SFI1: variants seen among roughly 807,000 people sequenced by gnomAD.
The protein encoded by SFI1 is protein SFI1 homolog.
In SFI1, 195 loss-of-function variants were observed where a neutral mutation model predicts 207.5. The ratio of observed to expected loss-of-function variants is 0.94; its 90% CI spans 0.84 to 1.06. The LOEUF (loss-of-function observed/expected upper bound fraction) is 1.06, where lower values mean the gene tolerates loss of function less well. SFI1 is among the 50% of genes least tolerant of loss of function. The pLI, the probability that SFI1 is intolerant of heterozygous loss-of-function variation, is 0.00. For missense variants in SFI1, 1,634 were observed against 1,588.0 expected, an observed-to-expected ratio of 1.03 and a Z score of -0.49; for synonymous variants, 630 against 598.9, an observed-to-expected ratio of 1.05 and a Z score of -0.76.
intron 4 of SFI1, among the ~76,000 whole-genome samples, chr22:31,543,019 T>C (rs1285616485): frequency 1.3e-5 from 2 of 149,626 alleles, no homozygotes; most frequent in Non-Finnish European, 3.0e-5. Context: ...TCTCCCAGGC[T>C]GGAGTGCAGT....
chr22:31,515,787 G>A (rs2056411467), intron 2 of SFI1, among the ~76,000 whole-genome samples: 1 of 150,038 alleles, frequency 6.7e-6, no homozygotes, highest in Non-Finnish European at 1.5e-5. Flanking sequence ...GCCCAGGCTG[G>A]AGTGCAGTGG....
chr22:31,538,723 C>G (rs2059220251), intron 4 of SFI1: 1 of 152,260 alleles, frequency 6.6e-6, no homozygotes, highest in Admixed American at 6.5e-5. Context: ...CTCCCAGGTT[C>G]TAGTTACCAT....
intron 15 of SFI1, among the ~76,000 whole-genome samples, chr22:31,593,992 G>GCC (rs1569421712): frequency 1.4e-5 from 1 of 72,502 alleles, no homozygotes; most frequent in African/African-American, 4.6e-5. Flanking sequence ...GGAGACGAGG[G>GCC]AGAGGGAGAG....
intron 17 of SFI1, 37 bp downstream of exon 17, chr22:31,602,822 A>G (rs62237819): frequency 1.3e-6 from 2 of 1,599,704 alleles, no homozygotes; most frequent in Non-Finnish European, 1.7e-6. Flanking sequence ...CCTTTCCATC[A>G]CAGGCCAGCT....
At chr22:31,499,791 C>A (rs2053401071) in intron 1 of SFI1, among the ~76,000 whole-genome samples, 1 of 151,558 alleles carries the variant, frequency 6.6e-6, no homozygotes, top group Non-Finnish European at 1.5e-5. Context: ...GAGTTCGAGA[C>A]CAGTCTGGCC....
At chr22:31,589,314 TAATA>T (rs1168210927) in intron 14 of SFI1, 129 bp from the exon 15 acceptor site, 3 of 969,140 alleles carry the variant, frequency 3.1e-6, no homozygotes, top group South Asian at 2.3e-5. Context: ...TTGGCAAAGA[TAATA>T]AATAATGATT....
At chr22:31,502,039 A>T (rs946057695) in intron 1 of SFI1, among the ~76,000 whole-genome samples, 7 of 152,058 alleles carry the variant, frequency 4.6e-5, no homozygotes, top group African/African-American at 1.7e-4. Flanking sequence ...GCCAGGATAC[A>T]CTCTAGCCAA....
intron 4 of SFI1, 62 bp downstream of exon 4, chr22:31,531,191 A>G: frequency 7.4e-7 from 1 of 1,357,726 alleles, no homozygotes; most frequent in East Asian, 2.3e-5. Flanking sequence ...CTTTTATATT[A>G]AGCCTGTATA....
intron 20 of SFI1, chr22:31,605,505 G>C (rs1257547741): frequency 6.6e-6 from 1 of 152,614 alleles, no homozygotes; most frequent in Admixed American, 6.5e-5. Flanking sequence ...TCCTTCCTTT[G>C]TATTTGTTCA....
intron 4 of SFI1, among the ~76,000 whole-genome samples, chr22:31,534,596 T>G (rs2058801675): frequency 6.6e-6 from 1 of 152,178 alleles, no homozygotes; most frequent in Non-Finnish European, 1.5e-5. Context: ...TATGAAAGTC[T>G]GGGCTGCTGG....
intron 14 of SFI1, among the ~76,000 whole-genome samples, chr22:31,589,211 CGTGTGTGTGTGTGT>C (rs10597618): frequency 1.7e-3 from 261 of 149,850 alleles, no homozygotes; most frequent in Admixed American, 2.8e-3. Context: ...TATGTGTGTG[CGTGTGTGTGTGTGT>C]GTGTGTGTGT....
chr22:31,561,407 C>T lies in SFI1; in HGVS notation c.765+15C>T, dbSNP rs372229254. On this transcript the variant is annotated intron_variant, in intron 8 of 32. Coordinates refer to ENST00000400288, the MANE Select transcript of SFI1 (RefSeq NM_001007467.3). Reference sequence around the variant, plus strand: ...TCCAGGTGCAGGTGAGTCCAGCAGACGTGGGATTTGGCATCCTCTGTCAGT... The same window carrying T: ...TCCAGGTGCAGGTGAGTCCAGCAGATGTGGGATTTGGCATCCTCTGTCAGT... The T allele has an allele frequency of 2.2e-4, 351 of 1,607,046 alleles. No homozygotes were observed. Among genetic ancestry groups the T allele is most frequent in the Non-Finnish European group, 2.8e-4 (324 of 1,176,158 alleles).
intron 4 of SFI1, among the ~76,000 whole-genome samples, chr22:31,542,711 G>C (rs1477211384): frequency 6.6e-6 from 1 of 151,658 alleles, no homozygotes; most frequent in East Asian, 1.9e-4. Context: ...ATCCAGGCTG[G>C]AGTGCAGTGG....
rs1404764794 is a variant in SFI1 at position 31,607,936 on chromosome 22, G to T, written c.2158-1G>T. 6.2e-7 allele frequency: 1 copy of T among 1,613,800 alleles called. No individual in the cohort carries two copies. The highest frequency in any genetic ancestry group is 1.7e-5 in the Admixed American group (1 of 60,004). ...TTGCTGTGCTCCTTGCCTGCCCATA[G>T]GTCCTGGTCCAGTGGCGGGAAGCTG... is the stretch of plus-strand genomic sequence containing the variant. On this transcript the variant is annotated splice_acceptor_variant, in intron 21 of 32. Transcript: ENST00000400288. LOFTEE classifies it high-confidence loss of function.
Position 31,611,280 on chromosome 22 carries a change from C to G in SFI1, c.2392C>G (p.His798Asp). Reference protein sequence around the residue: ...LEGLARWKTHHLQCVRKRLLH... With the variant: ...LEGLARWKTHDLQCVRKRLLH... ...GGGGCTGGCCCGGTGGAAGACGCAC[C>G]ATCTGCAGTGTGTCAGGAAGAGGGT... The change falls in exon 23 of 33, where the codon CAT becomes GAT. Residue 798 changes from histidine (H) to aspartate (D), a missense_variant. Physicochemically the swap from His to Asp is moderately conservative, Grantham distance 81. Transcript: ENST00000400288. 1 of 1,609,310 alleles carries G rather than the reference C, an allele frequency of 6.2e-7. No individual in the cohort carries two copies. Among genetic ancestry groups the G allele is most frequent in the Non-Finnish European group, 8.5e-7 (1 of 1,177,372 alleles).
At chr22:31,574,758 TA>T (rs942396208) in intron 9 of SFI1, among the ~76,000 whole-genome samples, 1 of 152,026 alleles carries the variant, frequency 6.6e-6, no homozygotes, top group African/African-American at 2.4e-5. Flanking sequence ...TTTCAAGGTT[TA>T]AAAAACTTGT....
chr22:31,606,498 TGTA>T (rs1603337511), intron 21 of SFI1, 68 bp downstream of exon 21: 1 of 1,305,756 alleles, frequency 7.7e-7, no homozygotes, highest in East Asian at 2.4e-5. Flanking sequence ...GGGCGTGGGA[TGTA>T]GGGGGTGGTG....
intron 1 of SFI1, among the ~76,000 whole-genome samples, chr22:31,499,435 G>T (rs897069544): frequency 6.6e-6 from 1 of 152,104 alleles, no homozygotes; most frequent in South Asian, 2.1e-4. Flanking sequence ...GCCTCCCAAA[G>T]TGCTGGGATT....
intron 2 of SFI1, 27 bp from the exon 3 acceptor site, chr22:31,528,663 C>G (rs2058171501): frequency 1.2e-6 from 2 of 1,604,936 alleles, no homozygotes; most frequent in Non-Finnish European, 1.7e-6. Flanking sequence ...TTATTCTCTC[C>G]TTGCCTCTTT....
Sources: gnomAD v4.1 joint callset for allele counts (sites outside exome capture counted in the v4.1 genomes callset) on GRCh38, gnomAD v4.1.1 for gene constraint, MANE v1.5 for transcripts, NCBI Gene and HGNC (gene_info 2026-07-23, HGNC 2026-07-21) for gene names.